Variants in TDRD3 observed in about 807,000 individuals in gnomAD.
TDRD3 encodes tudor domain-containing protein 3.
A neutral mutation model predicts 86.7 loss-of-function variants in TDRD3; 45 were observed. The observed-to-expected ratio is 0.52, with a 90% CI of 0.41 to 0.67. The LOEUF (loss-of-function observed/expected upper bound fraction) is 0.67. TDRD3 is among the 30% of genes least tolerant of loss of function. The pLI, the probability that TDRD3 is intolerant of heterozygous loss-of-function variation, is 0.00. For missense variants in TDRD3, 814 were observed against 889.0 expected (o/e 0.92, Z 1.07); for synonymous variants, 298 against 301.7 (o/e 0.99, Z 0.13).
chr13:60,477,350 C>T (rs183206949), intron 5 of TDRD3, among the ~76,000 whole-genome samples: 1 of 151,978 alleles, frequency 6.6e-6, no homozygotes, highest in Admixed American at 6.6e-5. Context: ...GAGTAGCTGA[C>T]ACTACAGGTG....
chr13:60,505,127 C>T (rs1029159408), intron 8 of TDRD3, among the ~76,000 whole-genome samples: 20 of 152,112 alleles, frequency 1.3e-4, no homozygotes, highest in Admixed American at 3.3e-4. Context: ...GAAGCCAGGG[C>T]GCCAAGTAGT....
chr13:60,402,737 G>A (rs1299507640), intron 1 of TDRD3, among the ~76,000 whole-genome samples: 1 of 85,672 alleles, frequency 1.2e-5, no homozygotes, highest in African/African-American at 4.7e-5. Flanking sequence ...CACTCTTGTT[G>A]CCCAGGCTAG....
At chr13:60,483,882 A>G (rs1477581822) in intron 6 of TDRD3, 36 bp downstream of exon 6, 5 of 1,602,080 alleles carry the variant, frequency 3.1e-6, no homozygotes, top group Non-Finnish European at 4.3e-6. Flanking sequence ...AATTTAAATT[A>G]GGAAAAAGTG....
intron 1 of TDRD3, among the ~76,000 whole-genome samples, chr13:60,402,691 C>CTTT (rs35984156): frequency 7.2e-4 from 53 of 73,280 alleles, no homozygotes; most frequent in East Asian, 1.4e-3. Context: ...AAACCAATTG[C>CTTT]TTTTTTTTTT....
At chr13:60,556,334 G>T (rs565970187) in intron 12 of TDRD3, among the ~76,000 whole-genome samples, 1 of 152,022 alleles carries the variant, frequency 6.6e-6, no homozygotes. Context: ...AAAAATAAAG[G>T]CTGACAAGTC....
chr13:60,559,240 G>A (rs1044831654), intron 12 of TDRD3, among the ~76,000 whole-genome samples: 6 of 152,076 alleles, frequency 3.9e-5, no homozygotes, highest in Non-Finnish European at 1.5e-5. Flanking sequence ...ATGAGAAAAC[G>A]AAGATGTAGA....
intron 5 of TDRD3, among the ~76,000 whole-genome samples, chr13:60,482,354 T>C (rs1956336256): frequency 6.6e-6 from 1 of 152,148 alleles, no homozygotes; most frequent in Admixed American, 6.5e-5. Flanking sequence ...TCAGGGATAA[T>C]AGTCTTGCAT....
chr13:60,567,666 T>G lies in TDRD3; in HGVS notation c.*9+16T>G. On this transcript the variant is annotated intron_variant, in intron 13 of 13. Transcript: ENST00000377881. ...ATAGGAAAAGGTAAACTTAACATTGTGAAGTGGTTTTCATATAAAGAAAGA... is the reference window on the plus strand; with the variant it reads ...ATAGGAAAAGGTAAACTTAACATTGGGAAGTGGTTTTCATATAAAGAAAGA... 6.2e-7 allele frequency: 1 copy of G among 1,609,846 alleles called. No individual in the cohort carries two copies. Among genetic ancestry groups the G allele is most frequent in the Non-Finnish European group, 8.5e-7 (1 of 1,178,730 alleles).
chr13:60,573,504 A>G, intron 13 of TDRD3, 112 bp from the exon 14 acceptor site: 1 of 597,744 alleles, frequency 1.7e-6, no homozygotes, highest in Non-Finnish European at 2.1e-6. Flanking sequence ...AGATCTATTT[A>G]TACAAACACT....
intron 8 of TDRD3, among the ~76,000 whole-genome samples, chr13:60,501,790 TA>T (rs1956838822): frequency 6.6e-6 from 1 of 152,224 alleles, no homozygotes; most frequent in South Asian, 2.1e-4. Context: ...CTTTCTTATA[TA>T]AAATCTCTTT....
intron 1 of TDRD3, among the ~76,000 whole-genome samples, chr13:60,422,979 G>T (rs1280077256): frequency 1.3e-5 from 2 of 152,058 alleles, no homozygotes; most frequent in Non-Finnish European, 2.9e-5. Flanking sequence ...TTAATCCACA[G>T]CAATTAACTC....
chr13:60,411,114 C>G (rs1056192814), intron 1 of TDRD3, among the ~76,000 whole-genome samples: 1 of 152,310 alleles, frequency 6.6e-6, no homozygotes, highest in Non-Finnish European at 1.5e-5. Context: ...CTCTTTGCAA[C>G]ACAGACACCT....
At chr13:60,415,387 T>G (rs1566174383) in intron 1 of TDRD3, among the ~76,000 whole-genome samples, 1 of 152,138 alleles carries the variant, frequency 6.6e-6, no homozygotes, top group Admixed American at 6.5e-5. Context: ...TTATTCTGAT[T>G]ACATTACTAT....
At chr13:60,558,830 C>G (rs896324860) in intron 12 of TDRD3, among the ~76,000 whole-genome samples, 1 of 151,734 alleles carries the variant, frequency 6.6e-6, no homozygotes, top group African/African-American at 2.4e-5. Flanking sequence ...AAAATGGTAA[C>G]AATAAAATGA....
At chr13:60,395,894 T>G (rs949234081), upstream of TDRD3, among the ~76,000 whole-genome samples, 5 of 152,248 alleles carry the variant, frequency 3.3e-5, no homozygotes, top group Non-Finnish European at 5.9e-5. Flanking sequence ...GAGCTACTTG[T>G]GATCTAAAAT....
intron 12 of TDRD3, among the ~76,000 whole-genome samples, chr13:60,551,385 GTTAA>G (rs1179953528): frequency 6.6e-6 from 1 of 152,214 alleles, no homozygotes; most frequent in Non-Finnish European, 1.5e-5. Flanking sequence ...CACACAGGTT[GTTAA>G]TTAATGCTGG....
chr13:60,567,581 G>A lies in TDRD3; in HGVS notation c.2175G>A (p.Gln725=). ...AGTTCCGTAGGGGAGGTGATGGCCA[G>A]CCAAGACGATCCACTCGGCCAACCC... ...TLEFRRGGDG[Q]PRRSTRPTQQ... is the part of the protein sequence containing the mutation. The change falls in exon 13 of 14, where the codon CAG becomes CAA. Residue 725 remains glutamine, a synonymous_variant. Transcript: ENST00000377881. 6.2e-7 allele frequency: 1 copy of A among 1,614,164 alleles called. No individual in the cohort carries two copies. Among genetic ancestry groups the A allele is most frequent in the Non-Finnish European group, 8.5e-7 (1 of 1,180,034 alleles).
intron 8 of TDRD3, among the ~76,000 whole-genome samples, chr13:60,494,994 A>T (rs1956683055): frequency 6.6e-6 from 1 of 152,204 alleles, no homozygotes; most frequent in Admixed American, 6.5e-5. Context: ...ATTGCAAAAT[A>T]TTCTTGAATT....
intron 8 of TDRD3, among the ~76,000 whole-genome samples, chr13:60,507,722 A>C (rs1214147695): frequency 6.6e-6 from 1 of 152,242 alleles, no homozygotes; most frequent in East Asian, 1.9e-4. Flanking sequence ...CAAGACAAGG[A>C]TGCCCTCTCT....
Sources: allele counts gnomAD v4.1 joint callset (sites outside exome capture counted in the v4.1 genomes callset), GRCh38; gene constraint gnomAD v4.1.1; transcripts MANE v1.5; gene names NCBI Gene and HGNC (gene_info 2026-07-23, HGNC 2026-07-21).